Variants in TASP1 observed in about 807,000 individuals in gnomAD.
The protein encoded by TASP1 is threonine aspartase 1.
Under a neutral mutation model 56.6 loss-of-function variants are expected in TASP1, and 16 were observed. The ratio of observed to expected loss-of-function variants is 0.28; its 90% CI spans 0.19 to 0.43. TASP1 has a LOEUF of 0.43. Among genes scored for constraint, TASP1 ranks in the 20% least tolerant of loss-of-function variants. TASP1 has a pLI of 1.00. For synonymous variants in TASP1, 179 were observed against 184.2 expected, an observed-to-expected ratio of 0.97 and a Z score of 0.23; for missense variants, 393 against 511.6, an observed-to-expected ratio of 0.77 and a Z score of 2.24.
the TASP1 span, among the ~76,000 whole-genome samples, chr20:13,353,723 C>T: frequency 6.6e-6 from 1 of 152,172 alleles, no homozygotes; most frequent in Non-Finnish European, 1.5e-5. Context: ...CAGGCTCTGA[C>T]ATTTGAAAGT....
chr20:13,604,096 A>G (rs976074953), intron 4 of TASP1, among the ~76,000 whole-genome samples: 2 of 152,114 alleles, frequency 1.3e-5, no homozygotes, highest in African/African-American at 4.8e-5. Context: ...TTTTAGCTAT[A>G]AATTGTCACT....
At chr20:13,105,742 T>C in the TASP1 span, among the ~76,000 whole-genome samples, 3 of 152,232 alleles carry the variant, frequency 2.0e-5, no homozygotes, top group South Asian at 6.2e-4. Flanking sequence ...GCACAAAAAC[T>C]TATAAATTCC....
the TASP1 span, among the ~76,000 whole-genome samples, chr20:13,106,375 G>T: frequency 6.6e-6 from 1 of 152,116 alleles, no homozygotes; most frequent in Non-Finnish European, 1.5e-5. Context: ...AACGAACATC[G>T]CGATGAGTGC....
At chr20:13,366,901 C>G in the TASP1 span, among the ~76,000 whole-genome samples, 1 of 152,108 alleles carries the variant, frequency 6.6e-6, no homozygotes, top group African/African-American at 2.4e-5. Context: ...CTCACACACA[C>G]ACTAACTCAG....
intron 5 of TASP1, among the ~76,000 whole-genome samples, chr20:13,583,539 T>A (rs2047197677): frequency 6.6e-6 from 1 of 152,218 alleles, no homozygotes; most frequent in African/African-American, 2.4e-5. Flanking sequence ...TATGGTATGG[T>A]TTCTGTCTTC....
chr20:13,479,062 A>G (rs1403227193), intron 11 of TASP1, among the ~76,000 whole-genome samples: 1 of 152,172 alleles, frequency 6.6e-6, no homozygotes, highest in Non-Finnish European at 1.5e-5. Flanking sequence ...TTTTAAAATG[A>G]TGGAAGAAAG....
chr20:13,212,946 A>G, the TASP1 span, among the ~76,000 whole-genome samples: 2 of 152,212 alleles, frequency 1.3e-5, no homozygotes, highest in African/African-American at 4.8e-5. Flanking sequence ...CCTCGCCACA[A>G]GCATTGATGA....
intron 11 of TASP1, among the ~76,000 whole-genome samples, chr20:13,468,042 C>CAAAAACA (rs1555865837): frequency 4.8e-5 from 7 of 144,666 alleles, no homozygotes; most frequent in Non-Finnish European, 7.5e-5. Flanking sequence ...AAAACAAAAA[C>CAAAAACA]AAAAACAAAA....
At chr20:13,291,762 T>C in the TASP1 span, among the ~76,000 whole-genome samples, 3 of 152,324 alleles carry the variant, frequency 2.0e-5, no homozygotes, top group Admixed American at 2.0e-4. Context: ...TGGCTATGCA[T>C]TGTAGCATCC....
chr20:13,627,899 C>T (rs1376855548), intron 2 of TASP1, among the ~76,000 whole-genome samples: 1 of 152,014 alleles, frequency 6.6e-6, no homozygotes, highest in Non-Finnish European at 1.5e-5. Flanking sequence ...GATCACTGCC[C>T]CTTCTCACAA....
At chr20:13,124,690 G>A in the TASP1 span, among the ~76,000 whole-genome samples, 6 of 152,064 alleles carry the variant, frequency 3.9e-5, no homozygotes, top group African/African-American at 1.2e-4. Flanking sequence ...AACCTTCACC[G>A]ACCACTGTAA....
At chr20:13,444,878 G>A (rs1379240936) in intron 11 of TASP1, among the ~76,000 whole-genome samples, 2 of 152,144 alleles carry the variant, frequency 1.3e-5, no homozygotes, top group Non-Finnish European at 2.9e-5. Flanking sequence ...TATAAACCCA[G>A]AGGACTACCT....
At chr20:13,560,113 G>C (rs1053416675) in intron 7 of TASP1, among the ~76,000 whole-genome samples, 1 of 152,074 alleles carries the variant, frequency 6.6e-6, no homozygotes, top group Non-Finnish European at 1.5e-5. Context: ...TTTAAAACTT[G>C]ATATACAAAT....
chr20:13,332,512 C>A, the TASP1 span, among the ~76,000 whole-genome samples: 1 of 152,070 alleles, frequency 6.6e-6, no homozygotes, highest in Admixed American at 6.5e-5. Flanking sequence ...GAAGAATCAC[C>A]AAAATTAAAA....
intron 1 of TASP1, among the ~76,000 whole-genome samples, chr20:13,630,668 A>G (rs6042264): frequency 0.47 from 66,502 of 140,626 alleles, 17,221 homozygotes; most frequent in African/African-American, 0.67. Context: ...CAGCCTGGGC[A>G]ACAAAGTAAG....
intron 11 of TASP1, among the ~76,000 whole-genome samples, chr20:13,467,729 A>G (rs1568839955): frequency 6.6e-6 from 1 of 152,274 alleles, no homozygotes; most frequent in East Asian, 1.9e-4. Context: ...AAAAACACAT[A>G]CACACGGCCA....
At chr20:13,559,411 G>A (rs1007880360) in intron 7 of TASP1, among the ~76,000 whole-genome samples, 1 of 152,124 alleles carries the variant, frequency 6.6e-6, no homozygotes, top group African/African-American at 2.4e-5. Flanking sequence ...AAAGGTCTCT[G>A]CGCAAAGGAG....
At chr20:13,597,468 G>A (rs547504521) in intron 4 of TASP1, among the ~76,000 whole-genome samples, 95 of 152,180 alleles carry the variant, frequency 6.2e-4, no homozygotes, top group East Asian at 5.0e-3. Context: ...AAAGGCCTTC[G>A]ACAAAATTCA....
chr20:13,501,793 T>C (rs892284885), intron 10 of TASP1, among the ~76,000 whole-genome samples: 2 of 151,976 alleles, frequency 1.3e-5, no homozygotes, highest in Admixed American at 6.6e-5. Context: ...TATACTTTAC[T>C]ATACAGACAA....
Sources: allele counts gnomAD v4.1 joint callset (sites outside exome capture counted in the v4.1 genomes callset), GRCh38; gene constraint gnomAD v4.1.1; transcripts MANE v1.5; gene names NCBI Gene and HGNC (gene_info 2026-07-23, HGNC 2026-07-21).